Variants in NLGN1 observed in about 807,000 individuals in gnomAD.
The protein encoded by NLGN1 is neuroligin-1.
In NLGN1, 12 loss-of-function variants were observed where a neutral mutation model predicts 65.5. The observed-to-expected ratio is 0.18, with a 90% CI of 0.12 to 0.30. The LOEUF (loss-of-function observed/expected upper bound fraction) is 0.30, where lower values mean the gene tolerates loss of function less well. Among genes scored for constraint, NLGN1 ranks in the 10% least tolerant of loss-of-function variants. NLGN1 has a pLI of 1.00. For synonymous variants in NLGN1, 350 were observed against 359.5 expected (o/e 0.97, Z 0.30); for missense variants, 750 against 1,007.1 (o/e 0.74, Z 3.46).
intron 4 of NLGN1, among the ~76,000 whole-genome samples, chr3:173,976,355 A>G (rs946394501): frequency 2.0e-5 from 3 of 152,068 alleles, no homozygotes; most frequent in Non-Finnish European, 2.9e-5. Flanking sequence ...TGAATGTACT[A>G]TGGTCCCTGG....
intron 2 of NLGN1, among the ~76,000 whole-genome samples, chr3:173,552,085 A>G (rs1315390684): frequency 6.6e-6 from 1 of 152,212 alleles, no homozygotes; most frequent in Non-Finnish European, 1.5e-5. Flanking sequence ...ATTGAAATAG[A>G]CTTATTGCAG....
intron 4 of NLGN1, among the ~76,000 whole-genome samples, chr3:174,088,757 A>AAAATAAATAAAT (rs71162375): frequency 8.0e-4 from 113 of 141,236 alleles, no homozygotes; most frequent in Non-Finnish European, 1.1e-3. Context: ...CATCTCAATA[A>AAAATAAATAAAT]AAATAAATAA....
At chr3:174,119,562 G>A (rs66889859) in intron 4 of NLGN1, among the ~76,000 whole-genome samples, 39,795 of 151,942 alleles carry the variant, frequency 0.26, 6,751 homozygotes, top group African/African-American at 0.49. Context: ...CTTACATTGG[G>A]GTTGTCTATT....
At chr3:174,150,806 G>A (rs966879130) in intron 4 of NLGN1, among the ~76,000 whole-genome samples, 1 of 152,012 alleles carries the variant, frequency 6.6e-6, no homozygotes, top group Non-Finnish European at 1.5e-5. Flanking sequence ...GAATACAGTG[G>A]CATAGGAAAA....
intron 3 of NLGN1, among the ~76,000 whole-genome samples, chr3:173,738,090 A>T (rs1318605633): frequency 1.3e-5 from 2 of 151,610 alleles, no homozygotes; most frequent in African/African-American, 4.8e-5. Context: ...CCCATTTAAA[A>T]TTTTTTTTTA....
At chr3:174,263,031 T>G (rs1747260585) in intron 4 of NLGN1, among the ~76,000 whole-genome samples, 1 of 132,888 alleles carries the variant, frequency 7.5e-6, no homozygotes, top group South Asian at 2.7e-4. Flanking sequence ...CTAGTTTGAT[T>G]GCACTGTGGT....
chr3:173,449,188 T>A (rs1459030083), intron 2 of NLGN1, among the ~76,000 whole-genome samples: 1 of 152,130 alleles, frequency 6.6e-6, no homozygotes, highest in Non-Finnish European at 1.5e-5. Context: ...CTGCTTTCTC[T>A]TGTGGGCATT....
At chr3:174,093,541 TACAC>T (rs567516576) in intron 4 of NLGN1, among the ~76,000 whole-genome samples, 7 of 152,214 alleles carry the variant, frequency 4.6e-5, no homozygotes, top group Non-Finnish European at 5.9e-5. Flanking sequence ...GATTAATAGT[TACAC>T]ACAAACTCAT....
At chr3:173,758,916 T>C (rs1777537666) in intron 3 of NLGN1, among the ~76,000 whole-genome samples, 2 of 152,014 alleles carry the variant, frequency 1.3e-5, no homozygotes, top group Non-Finnish European at 2.9e-5. Flanking sequence ...GATTCTCTCC[T>C]GTGGATCTCA....
chr3:173,665,327 C>T (rs969016341), intron 3 of NLGN1, among the ~76,000 whole-genome samples: 2 of 152,066 alleles, frequency 1.3e-5, no homozygotes, highest in Non-Finnish European at 2.9e-5. Context: ...TGAAGAAGGA[C>T]GTAGTTGCTT....
intron 2 of NLGN1, among the ~76,000 whole-genome samples, chr3:173,472,376 C>G (rs1725458900): frequency 6.6e-6 from 1 of 151,788 alleles, no homozygotes; most frequent in Non-Finnish European, 1.5e-5. Context: ...ATTGTTTTAC[C>G]TTCCAAAATC....
rs186158393 is a variant in NLGN1 at position 174,083,904 on chromosome 3, T to A, written c.647-191411T>A. Among the ~76,000 whole-genome samples the A allele has an allele frequency of 1.7e-4, 26 of 152,192 alleles. No individual in the cohort carries two copies. The East Asian group carries it at 4.8e-3, about 28-fold the overall frequency. ...ACAGAGACAGGACTGCTGCACATTA[T>A]GAAGAAACAAAACCACGACCACAAC... On this transcript the variant is annotated intron_variant, in intron 4 of 6. Coordinates refer to ENST00000457714, the Ensembl canonical transcript of NLGN1.
intron 2 of NLGN1, among the ~76,000 whole-genome samples, chr3:173,484,699 T>C (rs1727872881): frequency 6.6e-6 from 1 of 151,702 alleles, no homozygotes; most frequent in Non-Finnish European, 1.5e-5. Flanking sequence ...CTGGTAAAAA[T>C]TTAAAGCGTA....
chr3:174,195,729 G>C (rs1431664152), intron 4 of NLGN1, among the ~76,000 whole-genome samples: 2 of 152,084 alleles, frequency 1.3e-5, no homozygotes, highest in African/African-American at 2.4e-5. Flanking sequence ...AAAGAGCAGG[G>C]GGCACAGGAA....
rs139711599 is a variant in NLGN1, at chr3:173,955,388, A to G, written c.646+147556A>G. The stretch of plus-strand genomic sequence containing the variant: ...CCAAATGTGCTTTAAGATGCATGTA[A>G]TGTTGTTAAAATGAGGTGCCATATT... On this transcript the variant is annotated intron_variant, in intron 4 of 6. Transcript: ENST00000457714. 2.3e-3 allele frequency among the ~76,000 whole-genome samples: 355 copies of G among 152,260 alleles called. 1 individual carries two copies. Among genetic ancestry groups the G allele is most frequent in the Non-Finnish European group, 3.2e-3 (215 of 68,002 alleles).
At chr3:173,633,288 C>T (rs202182232) in intron 3 of NLGN1, among the ~76,000 whole-genome samples, 1 of 152,234 alleles carries the variant, frequency 6.6e-6, no homozygotes, top group East Asian at 1.9e-4. Flanking sequence ...GTAAGATCCT[C>T]CATGGCTTGG....
At chr3:174,153,228 C>A (rs9862155) in intron 4 of NLGN1, among the ~76,000 whole-genome samples, 55,655 of 151,900 alleles carry the variant, frequency 0.37, 11,932 homozygotes, top group African/African-American at 0.59. Flanking sequence ...GAATTTACCA[C>A]AATTTATAAT....
At chr3:174,023,641 C>G (rs1178927710) in intron 4 of NLGN1, among the ~76,000 whole-genome samples, 2 of 152,240 alleles carry the variant, frequency 1.3e-5, no homozygotes, top group South Asian at 4.1e-4. Flanking sequence ...TGGCTGCTAT[C>G]CAGGATGACT....
At chr3:173,603,692 A>G (rs997742595) in intron 2 of NLGN1, among the ~76,000 whole-genome samples, 3 of 152,110 alleles carry the variant, frequency 2.0e-5, no homozygotes, top group African/African-American at 7.2e-5. Context: ...TTATGAAAAC[A>G]TTTGAGATAC....
Sources: allele counts gnomAD v4.1 joint callset (sites outside exome capture counted in the v4.1 genomes callset), GRCh38; gene constraint gnomAD v4.1.1; transcripts MANE v1.5; gene names NCBI Gene and HGNC (gene_info 2026-07-23, HGNC 2026-07-21).